The following ABR variants were observed in gnomAD, a reference collection of about 807,000 sequenced individuals.
ABR encodes ABR activator of RhoGEF and GTPase.
In ABR, 35 loss-of-function variants were observed where a neutral mutation model predicts 107.2. The observed-to-expected ratio is 0.33, with a 90% CI of 0.25 to 0.43. The LOEUF (loss-of-function observed/expected upper bound fraction) is 0.43, where lower values mean the gene tolerates loss of function less well. Ranked by LOEUF, ABR falls within the 20% of genes least tolerant of loss-of-function variation. ABR has a pLI of 1.00. For missense variants in ABR, 815 were observed against 1,115.2 expected, an observed-to-expected ratio of 0.73 and a Z score of 3.83; for synonymous variants, 498 against 462.0, an observed-to-expected ratio of 1.08 and a Z score of -1.00.
chr17:1,050,283 C>T lies in ABR; in HGVS notation c.1660-102G>A, dbSNP rs1041262737. The T allele has an allele frequency of 8.3e-5, 119 of 1,435,980 alleles. No homozygotes were observed. The highest frequency in any genetic ancestry group is 9.8e-5 in the Non-Finnish European group (104 of 1,065,010). 89.0% of individuals were successfully genotyped at this position (1,435,980 alleles called of 1,614,324 possible). ...CTTTGCAAGGAGGAGGGAGTAAGCA[C>T]GGCCCACGAAGGACACGTCAGATTT... On this transcript the variant is annotated intron_variant, in intron 15 of 22. Transcript: ENST00000302538. The surrounding 1 kb of genome is among the most constrained non-coding windows in gnomAD (Gnocchi z 4.6).
chr17:1,198,661 A>G (rs933492778), intron 1 of ABR, among the ~76,000 whole-genome samples: 1 of 150,826 alleles, frequency 6.6e-6, no homozygotes, highest in Admixed American at 6.6e-5. Flanking sequence ...TTTGAGATGG[A>G]GTCTCGCTCT....
At chr17:1,080,764 C>CG (rs1003839751) in intron 5 of ABR, among the ~76,000 whole-genome samples, 27 of 10,378 alleles carry the variant, frequency 2.6e-3, no homozygotes, top group East Asian at 5.2e-3. Context: ...TTTTGGGGGG[C>CG]GGGGGGGTGG....
In ABR at chr17:1,121,615, A is replaced by C. The variant is rs58722356; in HGVS notation, c.246+3568T>G. Among the ~76,000 whole-genome samples, 201 of 105,272 alleles carry C rather than the reference A, an allele frequency of 1.9e-3. 1 individual carries two copies. The East Asian group carries it at 0.02, about 11-fold the overall frequency. The allele number at this position is 105,272 out of a possible 152,430, so 69.1% of individuals were successfully genotyped here. A position where few individuals can be genotyped will look rare whatever the true frequency, so the allele number is the denominator to read the frequency against. Reference sequence around the variant, plus strand: ...ACAGTGGGATGGGAGCTGAGTCCCCAAGGCAGGGCTCTGAGCCCTGCTGTG... The same window carrying C: ...ACAGTGGGATGGGAGCTGAGTCCCCCAGGCAGGGCTCTGAGCCCTGCTGTG... On this transcript the variant is annotated intron_variant, in intron 2 of 22. Transcript: ENST00000302538.
At chr17:1,033,370 T>A (rs2072950232) in intron 16 of ABR, among the ~76,000 whole-genome samples, 1 of 152,158 alleles carries the variant, frequency 6.6e-6, no homozygotes, top group Admixed American at 6.5e-5. Flanking sequence ...CCCAACTGTA[T>A]GAAGTCAGTA....
At chr17:1,225,008 G>A (rs1366355392) in intron 1 of ABR, among the ~76,000 whole-genome samples, 1 of 151,928 alleles carries the variant, frequency 6.6e-6, no homozygotes, top group African/African-American at 2.4e-5. Flanking sequence ...AATTAGACAG[G>A]CGTGGTGGCG....
chr17:1,146,875 T>TTGCC (rs2040574637), intron 1 of ABR, among the ~76,000 whole-genome samples: 6 of 150,214 alleles, frequency 4.0e-5, no homozygotes, highest in Non-Finnish European at 8.9e-5. Context: ...CCACCATTGC[T>TTGCC]ACATGACACC....
intron 14 of ABR, among the ~76,000 whole-genome samples, chr17:1,054,332 T>C (rs2032956761): frequency 6.6e-6 from 1 of 152,164 alleles, no homozygotes; most frequent in Non-Finnish European, 1.5e-5. Context: ...TGAGCTCCCA[T>C]GCATCCCAGG....
chr17:1,096,415 C>T lies in ABR; in HGVS notation c.345+4222G>A, dbSNP rs192084244. Among the ~76,000 whole-genome samples, 321 of 152,312 alleles carry T rather than the reference C, an allele frequency of 2.1e-3. 9 individuals carry two copies. The highest frequency in any genetic ancestry group is 0.021 in the Admixed American group (321 of 15,292). On this transcript the variant is annotated intron_variant, in intron 3 of 22. Transcript: ENST00000302538. ...CCTTCAAGCTGGCACCTTTGCGAGGCCACCCCGAAGAGCAGAAGGTTTAGC... is the reference window on the plus strand; with the variant it reads ...CCTTCAAGCTGGCACCTTTGCGAGGTCACCCCGAAGAGCAGAAGGTTTAGC...
At chr17:1,188,301 A>G (rs2042356203), upstream of ABR, among the ~76,000 whole-genome samples, 1 of 152,240 alleles carries the variant, frequency 6.6e-6, no homozygotes, top group Admixed American at 6.5e-5. Flanking sequence ...CTGTAATCCC[A>G]GCACTTTGGG....
chr17:1,079,235 A>T, intron 6 of ABR, 95 bp downstream of exon 6: 1 of 1,532,986 alleles, frequency 6.5e-7, no homozygotes, highest in Non-Finnish European at 8.8e-7. Context: ...ACACACACGC[A>T]CACACAAGGG....
chr17:1,019,254 C>T (rs1330963421), intron 16 of ABR, among the ~76,000 whole-genome samples: 7 of 152,218 alleles, frequency 4.6e-5, no homozygotes, highest in South Asian at 4.1e-4. Context: ...AGAGCCTTCT[C>T]GGAGAGCCCC....
At chr17:1,149,177 A>G (rs1020161382) in intron 1 of ABR, among the ~76,000 whole-genome samples, 6 of 152,132 alleles carry the variant, frequency 3.9e-5, no homozygotes, top group Non-Finnish European at 8.8e-5. Flanking sequence ...TGCTGGGATT[A>G]CAGGCGTGAG....
intron 1 of ABR, among the ~76,000 whole-genome samples, chr17:1,172,997 CAACACATCA>C (rs2041776767): frequency 2.8e-5 from 4 of 140,542 alleles, no homozygotes; most frequent in Non-Finnish European, 6.3e-5. Flanking sequence ...TCAGTCCACC[CAACACATCA>C]CCTCAGTCCA....
rs370763085 is a variant in ABR at position 1,123,542 on chromosome 17, T to C, written c.246+1641A>G. On this transcript the variant is annotated intron_variant, in intron 2 of 22. Coordinates refer to ENST00000302538, the MANE Select transcript of ABR (RefSeq NM_021962.5). ...AATCGACGGACACGGAAACCAGTCATGGTGGTCACGCGACAAGGACAGGGC... is the reference window on the plus strand; with the variant it reads ...AATCGACGGACACGGAAACCAGTCACGGTGGTCACGCGACAAGGACAGGGC... 4.3e-3 allele frequency among the ~76,000 whole-genome samples: 652 copies of C among 152,090 alleles called. 3 individuals are homozygous for C. The highest frequency in any genetic ancestry group is 0.015 in the African/African-American group (617 of 41,472).
At chr17:1,111,824 T>C (rs1438277253) in intron 2 of ABR, among the ~76,000 whole-genome samples, 1 of 152,200 alleles carries the variant, frequency 6.6e-6, no homozygotes, top group African/African-American at 2.4e-5. Context: ...GCTGCAGCCC[T>C]GGTGTCTTGC....
At chr17:1,168,638 C>A (rs1057436766) in intron 1 of ABR, among the ~76,000 whole-genome samples, 1 of 152,202 alleles carries the variant, frequency 6.6e-6, no homozygotes, top group Admixed American at 6.5e-5. Flanking sequence ...AATGGTCTAG[C>A]ACAGCCACAG....
intron 1 of ABR, among the ~76,000 whole-genome samples, chr17:1,145,433 T>C (rs2040485415): frequency 6.6e-6 from 1 of 152,242 alleles, no homozygotes; most frequent in South Asian, 2.1e-4. Context: ...TTTAAGGCTC[T>C]GCTCTTCCTC....
chr17:1,044,387 G>T (rs2440035), intron 16 of ABR, among the ~76,000 whole-genome samples: 3 of 152,010 alleles, frequency 2.0e-5, no homozygotes, highest in African/African-American at 4.8e-5. Context: ...CCGTGGCTCA[G>T]GCCTGTAATC....
chr17:1,058,448 C>G (rs1450267191), intron 11 of ABR, among the ~76,000 whole-genome samples: 1 of 152,168 alleles, frequency 6.6e-6, no homozygotes, highest in Non-Finnish European at 1.5e-5. Flanking sequence ...CCCAAAGCTC[C>G]TCCTTATCCA....
Sources: allele counts gnomAD v4.1 joint callset (sites outside exome capture counted in the v4.1 genomes callset), GRCh38; gene constraint gnomAD v4.1.1; non-coding constraint Gnocchi (gnomAD v3.1); transcripts MANE v1.5; gene names NCBI Gene and HGNC (gene_info 2026-07-23, HGNC 2026-07-21).